Variants in CNTN1 observed in about 807,000 individuals in gnomAD.
CNTN1 encodes the protein contactin-1.
In CNTN1, 38 loss-of-function variants were observed where a neutral mutation model predicts 126.4. The observed-to-expected ratio is 0.30, with a 90% CI of 0.23 to 0.39. The LOEUF (loss-of-function observed/expected upper bound fraction) is 0.39, where lower values mean the gene tolerates loss of function less well. Among genes scored for constraint, CNTN1 ranks in the 10% least tolerant of loss-of-function variants. CNTN1 has a pLI of 1.00. For synonymous variants in CNTN1, 413 were observed against 422.6 expected (o/e 0.98, Z 0.28); for missense variants, 1,009 against 1,248.4 (o/e 0.81, Z 2.89).
intron 23 of CNTN1, among the ~76,000 whole-genome samples, chr12:41,032,395 A>T (rs1020398319): frequency 2.0e-5 from 3 of 151,888 alleles, no homozygotes; most frequent in Non-Finnish European, 2.9e-5. Context: ...AAAAAGAAAA[A>T]AAAGAAAGAA....
chr12:40,706,074 C>T (rs1047264277), intron 1 of CNTN1, among the ~76,000 whole-genome samples: 1 of 149,428 alleles, frequency 6.7e-6, no homozygotes, highest in Non-Finnish European at 1.5e-5. Flanking sequence ...CAACAGAGAT[C>T]CAAACTATAT....
chr12:40,981,155 C>T (rs1462833270), intron 16 of CNTN1, 88 bp downstream of exon 16: 1 of 1,263,774 alleles, frequency 7.9e-7, no homozygotes, highest in East Asian at 2.3e-5. Flanking sequence ...TTAAAAATGT[C>T]ATTATCTACC....
At chr12:40,724,794 A>G (rs1306796676) in intron 1 of CNTN1, among the ~76,000 whole-genome samples, 3 of 152,238 alleles carry the variant, frequency 2.0e-5, no homozygotes, top group Non-Finnish European at 2.9e-5. Context: ...TGCTTTTCCA[A>G]TTAAGGTAGA....
At chr12:40,819,283 G>A (rs1941363703) in intron 1 of CNTN1, among the ~76,000 whole-genome samples, 1 of 152,186 alleles carries the variant, frequency 6.6e-6, no homozygotes, top group Non-Finnish European at 1.5e-5. Flanking sequence ...TGACCAGGAG[G>A]AGAGGCTAAG....
In CNTN1 at chr12:40,968,622, T is replaced by C. The variant is rs534922339; in HGVS notation, c.1804+9388T>C. Among the ~76,000 whole-genome samples the C allele has an allele frequency of 3.3e-5, 5 of 152,316 alleles. No homozygotes were observed. In the East Asian group the frequency reaches 7.7e-4, roughly 24 times the overall value. ...TATTTAAATATCTTAGATTATAATG[T>C]CTACACTTATAGGATTTTCCTATAA... is the stretch of plus-strand genomic sequence containing the variant. On this transcript the variant is annotated intron_variant, in intron 15 of 23. Coordinates refer to ENST00000551295, the MANE Select transcript of CNTN1 (RefSeq NM_001843.4).
At chr12:41,005,641 T>C (rs1448140020) in intron 17 of CNTN1, among the ~76,000 whole-genome samples, 1 of 152,218 alleles carries the variant, frequency 6.6e-6, no homozygotes, top group Non-Finnish European at 1.5e-5. Flanking sequence ...TCTCTATTCC[T>C]GTCTGACTGT....
intron 8 of CNTN1, 46 bp from the exon 9 acceptor site, chr12:40,933,651 T>G (rs1275074256): frequency 6.3e-6 from 10 of 1,575,530 alleles, no homozygotes; most frequent in Non-Finnish European, 7.9e-6. Flanking sequence ...AAAGTAATTG[T>G]CTTTTAAGTG....
chr12:40,912,645 A>C (rs543548692), intron 3 of CNTN1, among the ~76,000 whole-genome samples: 106 of 152,240 alleles, frequency 7.0e-4, no homozygotes, highest in African/African-American at 2.4e-3. Context: ...AAAAAAAAAA[A>C]CTATCTTCAT....
chr12:40,806,775 C>G (rs1231248541), intron 1 of CNTN1, among the ~76,000 whole-genome samples: 1 of 152,110 alleles, frequency 6.6e-6, no homozygotes, highest in Non-Finnish European at 1.5e-5. Context: ...GCACTTCTTT[C>G]TCCCATACTC....
chr12:40,792,512 T>C (rs1284054011), intron 1 of CNTN1, among the ~76,000 whole-genome samples: 2 of 151,778 alleles, frequency 1.3e-5, no homozygotes, highest in Non-Finnish European at 2.9e-5. Flanking sequence ...TGAAAAACAT[T>C]CAAGAAGACA....
intron 23 of CNTN1, among the ~76,000 whole-genome samples, chr12:41,043,128 A>G (rs938952527): frequency 6.6e-6 from 1 of 152,224 alleles, no homozygotes; most frequent in Non-Finnish European, 1.5e-5. Flanking sequence ...AGCAATGGCA[A>G]CAAAAGCCAA....
chr12:40,889,668 C>A (rs1434264320), intron 1 of CNTN1, among the ~76,000 whole-genome samples: 1 of 151,926 alleles, frequency 6.6e-6, no homozygotes, highest in Non-Finnish European at 1.5e-5. Flanking sequence ...GTATAAATCT[C>A]AATGTATTAT....
At chr12:40,830,834 T>C (rs1453850545) in intron 1 of CNTN1, among the ~76,000 whole-genome samples, 2 of 100,218 alleles carry the variant, frequency 2.0e-5, no homozygotes, top group Non-Finnish European at 4.1e-5. Context: ...TATATATATA[T>C]ACTCTTTATC....
At chr12:41,058,964 T>G (rs1163810259) in intron 23 of CNTN1, among the ~76,000 whole-genome samples, 1 of 152,166 alleles carries the variant, frequency 6.6e-6, no homozygotes, top group Non-Finnish European at 1.5e-5. Context: ...ATTCAATGAA[T>G]TTGGACAATT....
At chr12:40,823,084 A>G (rs1470958948) in intron 1 of CNTN1, among the ~76,000 whole-genome samples, 1 of 152,218 alleles carries the variant, frequency 6.6e-6, no homozygotes, top group Non-Finnish European at 1.5e-5. Flanking sequence ...ACACACAAAC[A>G]TATCCACACA....
At chr12:40,747,826 T>C (rs1297325513) in intron 1 of CNTN1, among the ~76,000 whole-genome samples, 6 of 152,132 alleles carry the variant, frequency 3.9e-5, no homozygotes, top group Non-Finnish European at 8.8e-5. Context: ...TAAAGACAAG[T>C]ACATTACAAG....
intron 10 of CNTN1, 78 bp from the exon 11 acceptor site, chr12:40,937,492 G>T: frequency 2.1e-6 from 2 of 955,824 alleles, no homozygotes; most frequent in South Asian, 1.3e-5. Context: ...TAAATGAAAA[G>T]ACAACCAAAC....
intron 1 of CNTN1, among the ~76,000 whole-genome samples, chr12:40,754,221 G>T (rs1248862153): frequency 1.3e-5 from 2 of 151,856 alleles, no homozygotes; most frequent in African/African-American, 4.8e-5. Context: ...TTATATATTG[G>T]CAAGGCTAAA....
intron 1 of CNTN1, among the ~76,000 whole-genome samples, chr12:40,764,236 G>C (rs1438983240): frequency 1.3e-5 from 2 of 152,178 alleles, no homozygotes; most frequent in East Asian, 1.9e-4. Flanking sequence ...ATAGCACCAG[G>C]CAGATTAAGC....
Sources: gnomAD v4.1 joint callset for allele counts (sites outside exome capture counted in the v4.1 genomes callset) on GRCh38, gnomAD v4.1.1 for gene constraint, MANE v1.5 for transcripts, NCBI Gene and HGNC (gene_info 2026-07-23, HGNC 2026-07-21) for gene names.